The following RGS12 variants were observed in gnomAD, a reference collection of about 807,000 sequenced individuals.
RGS12 encodes regulator of G protein signaling 12.
RGS12 carries 66 observed loss-of-function variants against 120.1 expected under a neutral mutation model. That is an observed-to-expected ratio of 0.55 (90% CI 0.45 to 0.67). The LOEUF (loss-of-function observed/expected upper bound fraction) is 0.67. Ranked by LOEUF, RGS12 falls within the 30% of genes least tolerant of loss-of-function variation. The probability of loss-of-function intolerance (pLI) is 0.00; values close to 1 mark genes in which losing one functional copy is unlikely to be tolerated. For missense variants in RGS12, 1,859 were observed against 1,957.7 expected, an observed-to-expected ratio of 0.95 and a Z score of 0.95; for synonymous variants, 827 against 804.7, an observed-to-expected ratio of 1.03 and a Z score of -0.47.
At chr4:3,406,975 G>A (rs540994429) in intron 4 of RGS12, among the ~76,000 whole-genome samples, 2 of 152,340 alleles carry the variant, frequency 1.3e-5, no homozygotes, top group East Asian at 3.8e-4. Flanking sequence ...CTGTTTGAGT[G>A]ATCACCTGCT....
At chr4:3,290,319 A>T (rs1722981790), upstream of RGS12, among the ~76,000 whole-genome samples, 1 of 152,092 alleles carries the variant, frequency 6.6e-6, no homozygotes, top group South Asian at 2.1e-4. Context: ...AAACATCTCC[A>T]CCCATCTCCA....
At chr4:3,423,138 AG>A (rs1259090982) in intron 12 of RGS12, among the ~76,000 whole-genome samples, 160 bp downstream of exon 12, 1 of 152,146 alleles carries the variant, frequency 6.6e-6, no homozygotes, top group East Asian at 1.9e-4. Context: ...CACACGAGGC[AG>A]CCCCCCTACA....
chr4:3,421,974 A>G (rs1310058699), intron 10 of RGS12, among the ~76,000 whole-genome samples: 1 of 152,200 alleles, frequency 6.6e-6, no homozygotes, highest in Non-Finnish European at 1.5e-5. Context: ...CGACGTTTCC[A>G]TTGGAACGAT....
intron 12 of RGS12, 144 bp from the exon 13 acceptor site, chr4:3,423,371 A>C (rs761479574): frequency 9.1e-7 from 1 of 1,101,140 alleles, no homozygotes; most frequent in Non-Finnish European, 1.3e-6. Flanking sequence ...GGAGGAAGGC[A>C]CGTTCTGATC....
chr4:3,336,584 G>T (rs1712491092), intron 2 of RGS12, among the ~76,000 whole-genome samples: 1 of 152,218 alleles, frequency 6.6e-6, no homozygotes, highest in Non-Finnish European at 1.5e-5. Context: ...ACTGTGGGAG[G>T]GGTGGGGGTG....
At chr4:3,320,248 C>G (rs1157117996) in intron 2 of RGS12, among the ~76,000 whole-genome samples, 1 of 152,220 alleles carries the variant, frequency 6.6e-6, no homozygotes, top group African/African-American at 2.4e-5. Flanking sequence ...GTCCCCATCC[C>G]ACCAGTGAAT....
At chr4:3,313,988 T>A (rs922132754) in intron 1 of RGS12, among the ~76,000 whole-genome samples, 21 of 151,880 alleles carry the variant, frequency 1.4e-4, no homozygotes, top group Non-Finnish European at 5.9e-5. Flanking sequence ...ATTTATTTTT[T>A]AATGATGATT....
chr4:3,432,123 C>T (rs1724369767), intron 17 of RGS12: 1 of 985,354 alleles, frequency 1.0e-6, no homozygotes, highest in Admixed American at 6.1e-5. Context: ...TGGCTCTCAC[C>T]TGCGTTTTGA....
chr4:3,430,715 C>A lies in RGS12; in HGVS notation c.3874C>A (p.Gln1292Lys). ...PGPPGTTPPGQKSPSGPFCTP... is the reference protein window; with the variant it reads ...PGPPGTTPPGKKSPSGPFCTP... ...ACCTCCTGGGACGACCCCCCCCGGG[C>A]AGAAGTCTCCCAGCGGGCCCTTCTG... The change falls in exon 17 of 18, where the codon CAG becomes AAG. Residue 1292 changes from glutamine (Q) to lysine (K), a missense_variant. Coordinates refer to ENST00000336727, the MANE Select transcript of RGS12 (RefSeq NM_001394154.1). The A allele has an allele frequency of 6.3e-7, 1 of 1,587,466 alleles. No individual in the cohort carries two copies. Among genetic ancestry groups the A allele is most frequent in the South Asian group, 1.2e-5 (1 of 86,614 alleles).
intron 3 of RGS12, among the ~76,000 whole-genome samples, chr4:3,375,121 G>C (rs1208395730): frequency 1.3e-5 from 2 of 152,348 alleles, no homozygotes; most frequent in Non-Finnish European, 2.9e-5. Context: ...TCAGGGGCCA[G>C]ACTGAGGGAG....
chr4:3,420,344 G>C (rs1722866616), intron 9 of RGS12: 3 of 500,144 alleles, frequency 6.0e-6, no homozygotes, highest in Non-Finnish European at 1.1e-5. Context: ...TGATTTGTTG[G>C]GCACCTGCCA....
chr4:3,415,280 G>A (rs1722259199), intron 6 of RGS12, among the ~76,000 whole-genome samples: 1 of 152,142 alleles, frequency 6.6e-6, no homozygotes, highest in South Asian at 2.1e-4. Context: ...GAAAGTGGAT[G>A]ATAAAATATT....
chr4:3,335,819 G>A (rs1712397073), intron 2 of RGS12, among the ~76,000 whole-genome samples: 1 of 152,082 alleles, frequency 6.6e-6, no homozygotes, highest in African/African-American at 2.4e-5. Flanking sequence ...GCCGGGCGTG[G>A]TGGCTCATAC....
rs1342568616 is a variant in RGS12, at chr4:3,389,474, A to G, written c.2020+3037A>G. Among the ~76,000 whole-genome samples the G allele has an allele frequency of 6.6e-6, 1 of 152,142 alleles. No individual in the cohort carries two copies. The highest frequency in any genetic ancestry group is 2.4e-5 in the African/African-American group (1 of 41,416). On this transcript the variant is annotated intron_variant, in intron 4 of 17. Coordinates refer to ENST00000336727, the MANE Select transcript of RGS12 (RefSeq NM_001394154.1). The surrounding 1 kb of genome is among the most constrained non-coding windows in gnomAD (Gnocchi z 5.2). ...GTTGTGAAGAAATGAGAAAAGGAAG[A>G]TGCCCGGTTGCTCCTGGAAAAAGGA...
chr4:3,292,857 T>G (rs1450162640), upstream of RGS12, among the ~76,000 whole-genome samples: 1 of 151,722 alleles, frequency 6.6e-6, no homozygotes, highest in Non-Finnish European at 1.5e-5. Flanking sequence ...GTTACCACGC[T>G]GTCCCGACGC....
chr4:3,346,830 C>G (rs1713839971), intron 3 of RGS12, among the ~76,000 whole-genome samples: 1 of 152,188 alleles, frequency 6.6e-6, no homozygotes, highest in African/African-American at 2.4e-5. Flanking sequence ...CTTAAGGTTT[C>G]TGGGCCTGAT....
intron 2 of RGS12, among the ~76,000 whole-genome samples, chr4:3,336,758 CGCAACCCACAGAATGAAG>C (rs915705152): frequency 1.3e-5 from 2 of 152,088 alleles, no homozygotes; most frequent in Non-Finnish European, 2.9e-5. Flanking sequence ...CATTAAAAAA[CGCAACCCACAGAATGAAG>C]GCAACCCACA....
intron 2 of RGS12, among the ~76,000 whole-genome samples, chr4:3,333,133 C>G (rs1410327953): frequency 1.3e-5 from 2 of 151,758 alleles, no homozygotes; most frequent in African/African-American, 2.4e-5. Flanking sequence ...ACTGCAGGCT[C>G]CGTCCCCCAG....
chr4:3,362,668 TGA>T (rs1482153279), intron 3 of RGS12, among the ~76,000 whole-genome samples: 5 of 122,802 alleles, frequency 4.1e-5, no homozygotes, highest in African/African-American at 9.7e-5. Flanking sequence ...GGACTGAGGC[TGA>T]GTGTGAGGGT....
Sources: allele counts gnomAD v4.1 joint callset (sites outside exome capture counted in the v4.1 genomes callset), GRCh38; gene constraint gnomAD v4.1.1; non-coding constraint Gnocchi (gnomAD v3.1); transcripts MANE v1.5; gene names NCBI Gene and HGNC (gene_info 2026-07-23, HGNC 2026-07-21).